Variants in PCDHGA2 observed in about 807,000 individuals in gnomAD.
PCDHGA2 encodes the protein protocadherin gamma subfamily A, 2.
PCDHGA2 carries 40 observed loss-of-function variants against 59.2 expected under a neutral mutation model. That is an observed-to-expected ratio of 0.68 (90% CI 0.52 to 0.88). The LOEUF (loss-of-function observed/expected upper bound fraction) is 0.88, where lower values mean the gene tolerates loss of function less well. PCDHGA2 is among the 40% of genes least tolerant of loss of function. The probability of loss-of-function intolerance (pLI) is 0.00; values close to 1 mark genes in which losing one functional copy is unlikely to be tolerated. For missense variants in PCDHGA2, 1,226 were observed against 1,204.0 expected (o/e 1.02, Z -0.27); for synonymous variants, 560 against 526.0 (o/e 1.06, Z -0.89).
At chr5:141,393,265 G>T (rs755014362) in intron 1 of PCDHGA2, 3 of 1,613,904 alleles carry the variant, frequency 1.9e-6, no homozygotes, top group South Asian at 1.1e-5. Flanking sequence ...CCTGGAGCAC[G>T]TTATCCACTC....
At chr5:141,408,838 G>A in intron 1 of PCDHGA2, 1 of 1,613,588 alleles carries the variant, frequency 6.2e-7, no homozygotes, top group African/African-American at 1.3e-5. Flanking sequence ...GCTTGATATT[G>A]ACTGCCTTGG....
intron 1 of PCDHGA2, chr5:141,343,776 T>G (rs376946510): frequency 5.1e-5 from 21 of 410,038 alleles, no homozygotes; most frequent in African/African-American, 4.3e-4. Context: ...GTTAGGCCTC[T>G]TAGTGTCGCT....
chr5:141,345,565 C>G lies in PCDHGA2; in HGVS notation c.2424+4170C>G, dbSNP rs964266181. ...TCCTTCGTCTCTATCAACTCCAACA[C>G]TGGCGTCCTATACGCGCTGAGATCC... On this transcript the variant is annotated intron_variant, in intron 1 of 3. Coordinates refer to ENST00000394576, the MANE Select transcript of PCDHGA2 (RefSeq NM_018915.4). 3.7e-6 allele frequency: 6 copies of G among 1,614,130 alleles called. No individual in the cohort carries two copies. In the African/African-American group the frequency reaches 4.0e-5, roughly 11 times the overall value.
At chr5:141,496,412 T>C (rs1322376676) in intron 2 of PCDHGA2, among the ~76,000 whole-genome samples, 1 of 152,180 alleles carries the variant, frequency 6.6e-6, no homozygotes, top group African/African-American at 2.4e-5. Context: ...GGTTGAGTAC[T>C]TGCTGTCCAC....
At position 141,489,664 on chromosome 5, in the gene PCDHGA2, A is replaced by G. The variant is rs745597010; in HGVS notation, c.2425-5143A>G. On this transcript the variant is annotated intron_variant, in intron 1 of 3. Transcript: ENST00000394576. The surrounding 1 kb of genome is among the most constrained non-coding windows in gnomAD (Gnocchi z 4.5). ...TGCCACCCCTGAGCGAGAGATGCGCATCTCAGAATCAGCAGCATCTGGGGC... is the reference window on the plus strand; with the variant it reads ...TGCCACCCCTGAGCGAGAGATGCGCGTCTCAGAATCAGCAGCATCTGGGGC... 1 of 1,614,106 alleles carries G rather than the reference A, an allele frequency of 6.2e-7. No homozygotes were observed. The highest frequency in any genetic ancestry group is 8.5e-7 in the Non-Finnish European group (1 of 1,180,050).
rs761472193 is a variant in PCDHGA2 at position 141,370,472 on chromosome 5, C to A, written c.2424+29077C>A. 115 of 1,613,332 alleles carry A rather than the reference C, an allele frequency of 7.1e-5. No individual in the cohort carries two copies. The Admixed American group carries it at 1.9e-3, about 27-fold the overall frequency. On this transcript the variant is annotated intron_variant, in intron 1 of 3. Transcript: ENST00000394576. ...TTCTCTTCCTGCTCTCTTTGTTAGA[C>A]CAGGCTCTCTCCGAACCGATCCGCT...
At position 141,341,089 on chromosome 5, in the gene PCDHGA2, C is replaced by T; in HGVS notation, c.2118C>T (p.Ala706=). Residue 706 remains alanine (A), a synonymous_variant, in exon 1 of 4, where the codon GCC becomes GCT. Transcript: ENST00000394576. The stretch of plus-strand genomic sequence containing the variant: ...CCGCGGTCTCCTGCGTCTTCCTGGC[C>T]TTCGTCATCGTGTTGCTGGCGCACA... ...AVAAVSCVFL[A]FVIVLLAHRL... The T allele has an allele frequency of 2.5e-6, 4 of 1,614,244 alleles. No homozygotes were observed. Among genetic ancestry groups the T allele is most frequent in the Non-Finnish European group, 3.4e-6 (4 of 1,180,050 alleles).
At chr5:141,351,184 A>G (rs1254962185) in intron 1 of PCDHGA2, 8 of 1,613,940 alleles carry the variant, frequency 5.0e-6, no homozygotes, top group African/African-American at 1.3e-5. Flanking sequence ...TTGAAGAGAC[A>G]AGTAGATATG....
At chr5:141,398,759 T>A (rs1313274991) in intron 1 of PCDHGA2, 2 of 1,613,904 alleles carry the variant, frequency 1.2e-6, no homozygotes, top group Non-Finnish European at 1.7e-6. Context: ...CATCGTTTAG[T>A]CCTGACTGCC....
intron 1 of PCDHGA2, chr5:141,389,352 AT>A (rs1561624660): frequency 6.2e-7 from 1 of 1,613,628 alleles, no homozygotes; most frequent in African/African-American, 1.3e-5. Context: ...TTACTGCATC[AT>A]GGCCAGTGAC....
intron 1 of PCDHGA2, chr5:141,372,480 T>A (rs777083908): frequency 1.2e-5 from 19 of 1,613,928 alleles, no homozygotes; most frequent in Non-Finnish European, 1.6e-5. Flanking sequence ...AGTAGTGGCG[T>A]TGGCCTTGAT....
chr5:141,345,215 A>G (rs575059814), intron 1 of PCDHGA2: 2 of 1,614,020 alleles, frequency 1.2e-6, no homozygotes, highest in East Asian at 4.5e-5. Flanking sequence ...CATTTAAGTT[A>G]GAAAAATCAA....
At chr5:141,352,177 G>A (rs892011345) in intron 1 of PCDHGA2, 7 of 1,613,758 alleles carry the variant, frequency 4.3e-6, no homozygotes, top group African/African-American at 4.0e-5. Context: ...AGCGCCTGCT[G>A]GTCGCTGTGC....
At chr5:141,388,083 C>G in intron 1 of PCDHGA2, 9 of 1,358,266 alleles carry the variant, frequency 6.6e-6, no homozygotes, top group Non-Finnish European at 9.1e-6. Context: ...TCGAAAACTG[C>G]GCGTCAGTTC....
chr5:141,361,227 A>G, intron 1 of PCDHGA2: 2 of 1,614,022 alleles, frequency 1.2e-6, no homozygotes, highest in South Asian at 2.2e-5. Flanking sequence ...CACCAGGAAC[A>G]GTGATCGCCT....
intron 1 of PCDHGA2, chr5:141,387,741 G>T: frequency 1.5e-6 from 2 of 1,332,868 alleles, no homozygotes; most frequent in Non-Finnish European, 2.0e-6. Context: ...CCTTTACACC[G>T]CTTCCTCCTC....
Position 141,340,760 on chromosome 5 carries a change from G to T in PCDHGA2, c.1789G>T (p.Asp597Tyr). Residue 597 changes from aspartate to tyrosine, a missense_variant, in exon 1 of 4, where the codon GAC becomes TAC. Physicochemically the swap from Asp to Tyr is radical, Grantham distance 160 (BLOSUM62 -3). Transcript: ENST00000394576. The stretch of plus-strand genomic sequence containing the variant: ...GACCAAGGTGGTGGCGGTGGACAGA[G>T]ACTCGGGCCAGAACGCCTGGCTGTC... The part of the protein sequence containing the change: ...LVTKVVAVDR[D>Y]SGQNAWLSYH... 1 of 1,614,008 alleles carries T rather than the reference G, an allele frequency of 6.2e-7. No homozygotes were observed. Among genetic ancestry groups the T allele is most frequent in the Non-Finnish European group, 8.5e-7 (1 of 1,180,044 alleles).
chr5:141,370,396 T>C (rs767513658), intron 1 of PCDHGA2: 3 of 1,548,714 alleles, frequency 1.9e-6, no homozygotes, highest in Non-Finnish European at 2.6e-6. Context: ...GAGAGCGGGA[T>C]GGGAAATAGC....
Position 141,490,721 on chromosome 5 carries a change from T to C in PCDHGA2, c.2425-4086T>C, listed in dbSNP as rs779242781. On this transcript the variant is annotated intron_variant, in intron 1 of 3. Coordinates refer to ENST00000394576, the MANE Select transcript of PCDHGA2 (RefSeq NM_018915.4). This position sits in a 1 kb window ranked among gnomAD's most constrained non-coding sequence, Gnocchi z 5.4. The stretch of plus-strand genomic sequence containing the variant: ...AATGCCCGCCTCACCTACTCCATTG[T>C]AGGAAATCAGGTTCAGGGAGCCCCA... 23 of 1,614,056 alleles carry C rather than the reference T, an allele frequency of 1.4e-5. No individual in the cohort carries two copies. The highest frequency in any genetic ancestry group is 6.6e-5 in the South Asian group (6 of 91,080).
Sources: allele counts gnomAD v4.1 joint callset (sites outside exome capture counted in the v4.1 genomes callset), GRCh38; gene constraint gnomAD v4.1.1; non-coding constraint Gnocchi (gnomAD v3.1); transcripts MANE v1.5; gene names NCBI Gene and HGNC (gene_info 2026-07-23, HGNC 2026-07-21).